The following ZNF704 variants were observed in gnomAD, a reference collection of about 807,000 sequenced individuals.
ZNF704 encodes the protein zinc finger protein 704.
ZNF704 carries 10 observed loss-of-function variants against 44.7 expected under a neutral mutation model. The observed-to-expected ratio is 0.22, with a 90% CI of 0.14 to 0.38. The LOEUF (loss-of-function observed/expected upper bound fraction) is 0.38. ZNF704 is among the 10% of genes least tolerant of loss of function. ZNF704 has a pLI of 1.00. For missense variants in ZNF704, 390 were observed against 545.5 expected, an observed-to-expected ratio of 0.71 and a Z score of 2.84; for synonymous variants, 211 against 207.6, an observed-to-expected ratio of 1.02 and a Z score of -0.14.
In ZNF704 at chr8:80,635,653, T is replaced by G. The variant is rs944241879; in HGVS notation, c.*5713A>C. 3 of 152,240 alleles carry G rather than the reference T, an allele frequency of 2.0e-5. No individual in the cohort carries two copies. The highest frequency in any genetic ancestry group is 7.2e-5 in the African/African-American group (3 of 41,478). The allele number at this position is 152,240 out of a possible 1,614,324, so 9.4% of individuals were successfully genotyped here. ...CTTTGTGACACAGAATTTATCATTT[T>G]ACACTAAAAAATTTATAAGAATATT... is the stretch of plus-strand genomic sequence containing the variant. On this transcript the variant is annotated 3_prime_UTR_variant, in exon 9 of 9. Transcript: ENST00000327835.
chr8:80,722,541 T>C (rs1475090188), intron 2 of ZNF704, among the ~76,000 whole-genome samples: 2 of 152,226 alleles, frequency 1.3e-5, no homozygotes, highest in African/African-American at 2.4e-5. Flanking sequence ...GAAACAAGAA[T>C]TTAAAGTTAT....
chr8:80,797,275 A>G (rs2129777203), intron 2 of ZNF704, among the ~76,000 whole-genome samples: 1 of 152,262 alleles, frequency 6.6e-6, no homozygotes, highest in East Asian at 1.9e-4. Flanking sequence ...CCCTGCTCTC[A>G]CAGCTCCACT....
intron 1 of ZNF704, among the ~76,000 whole-genome samples, chr8:80,839,516 G>C (rs1160612363): frequency 6.6e-6 from 1 of 152,224 alleles, no homozygotes; most frequent in African/African-American, 2.4e-5. Flanking sequence ...AATGCAGCTA[G>C]AGTGTATTCA....
upstream of ZNF704, among the ~76,000 whole-genome samples, chr8:80,874,934 T>G (rs1015321298): frequency 6.6e-6 from 1 of 152,078 alleles, no homozygotes; most frequent in Non-Finnish European, 1.5e-5. The surrounding 1 kb of genome is among the most constrained non-coding windows in gnomAD (Gnocchi z 4.4). Context: ...GCGATTGAGC[T>G]GCCTTGGCTC....
intron 2 of ZNF704, among the ~76,000 whole-genome samples, chr8:80,790,878 A>C (rs1257688903): frequency 6.6e-6 from 1 of 152,138 alleles, no homozygotes; most frequent in Non-Finnish European, 1.5e-5. Context: ...ACAACTAAGA[A>C]AGAGTTTACT....
chr8:80,762,043 T>C (rs1055470330), intron 2 of ZNF704, among the ~76,000 whole-genome samples: 1 of 152,218 alleles, frequency 6.6e-6, no homozygotes, highest in African/African-American at 2.4e-5. Flanking sequence ...TCAATATTTC[T>C]ACATATGCGC....
At chr8:80,785,377 T>G (rs1300599682) in intron 2 of ZNF704, among the ~76,000 whole-genome samples, 1 of 152,182 alleles carries the variant, frequency 6.6e-6, no homozygotes, top group Non-Finnish European at 1.5e-5. Flanking sequence ...TTTCCTCTTT[T>G]GCATACTTTA....
intron 1 of ZNF704, among the ~76,000 whole-genome samples, chr8:80,858,998 C>G (rs1172420327): frequency 6.6e-6 from 1 of 152,116 alleles, no homozygotes; most frequent in East Asian, 1.9e-4. Context: ...TTCAAATATT[C>G]TATAATCTTA....
chr8:80,679,889 T>G (rs1818425509), intron 4 of ZNF704, among the ~76,000 whole-genome samples: 1 of 152,132 alleles, frequency 6.6e-6, no homozygotes, highest in Non-Finnish European at 1.5e-5. Flanking sequence ...TTCTCAACAT[T>G]GATGCTGTGG....
chr8:80,645,825 G>A (rs1184389842), intron 7 of ZNF704, among the ~76,000 whole-genome samples: 1 of 152,102 alleles, frequency 6.6e-6, no homozygotes, highest in Non-Finnish European at 1.5e-5. Flanking sequence ...GATCATCAGT[G>A]TTATTTTCCC....
intron 2 of ZNF704, among the ~76,000 whole-genome samples, chr8:80,781,299 G>T (rs552397654): frequency 1.3e-5 from 2 of 152,116 alleles, no homozygotes; most frequent in Non-Finnish European, 2.9e-5. Flanking sequence ...AATATTTTAG[G>T]CTTTGTGGGT....
At chr8:80,740,394 T>C (rs1013782761) in intron 2 of ZNF704, among the ~76,000 whole-genome samples, 6 of 152,126 alleles carry the variant, frequency 3.9e-5, no homozygotes, top group Non-Finnish European at 8.8e-5. Flanking sequence ...AACTAAAGGA[T>C]TCTGCCTCCT....
chr8:80,861,967 T>A (rs1443653378), intron 1 of ZNF704, among the ~76,000 whole-genome samples: 1 of 150,844 alleles, frequency 6.6e-6, no homozygotes, highest in Admixed American at 6.6e-5. Flanking sequence ...AGCCATGTGG[T>A]TGAACAAGAT....
chr8:80,684,320 C>T (rs1451747939), intron 4 of ZNF704, among the ~76,000 whole-genome samples: 2 of 152,190 alleles, frequency 1.3e-5, no homozygotes, highest in Non-Finnish European at 2.9e-5. Context: ...CATATGTATA[C>T]ACTGAAACAA....
rs143650608 is a variant in ZNF704, at chr8:80,747,819, C to T, written c.222-54712G>A. ...ACAACCTCCACCTCCCCGATTCAAG[C>T]GATTCCCCTGCTTCAGCATCCTGAC... is the stretch of plus-strand genomic sequence containing the variant. On this transcript the variant is annotated intron_variant, in intron 2 of 8. Transcript: ENST00000327835. 2.8e-3 allele frequency among the ~76,000 whole-genome samples: 419 copies of T among 152,282 alleles called. 1 individual carries two copies. The highest frequency in any genetic ancestry group is 9.7e-3 in the African/African-American group (403 of 41,550).
chr8:80,687,906 T>C (rs917862590), intron 3 of ZNF704, among the ~76,000 whole-genome samples: 1 of 152,162 alleles, frequency 6.6e-6, no homozygotes, highest in Non-Finnish European at 1.5e-5. Context: ...TCAACATTTT[T>C]TTAAAAAGGG....
chr8:80,652,947 G>A (rs1450507996), intron 7 of ZNF704, among the ~76,000 whole-genome samples: 9 of 152,170 alleles, frequency 5.9e-5, no homozygotes, highest in African/African-American at 1.9e-4. Flanking sequence ...AAATCCAGCA[G>A]CACATCAAAA....
At chr8:80,764,336 G>A (rs1248868154) in intron 2 of ZNF704, among the ~76,000 whole-genome samples, 2 of 152,190 alleles carry the variant, frequency 1.3e-5, no homozygotes, top group Non-Finnish European at 2.9e-5. Context: ...GGTGGAAGAT[G>A]AAGGGGAAGC....
intron 2 of ZNF704, among the ~76,000 whole-genome samples, chr8:80,807,347 G>A (rs1808006299): frequency 6.6e-6 from 1 of 152,082 alleles, no homozygotes; most frequent in Admixed American, 6.6e-5. Flanking sequence ...GCCATTGTGT[G>A]AGGCAGGAAG....
Sources: allele counts gnomAD v4.1 joint callset (sites outside exome capture counted in the v4.1 genomes callset), GRCh38; gene constraint gnomAD v4.1.1; non-coding constraint Gnocchi (gnomAD v3.1); transcripts MANE v1.5; gene names NCBI Gene and HGNC (gene_info 2026-07-23, HGNC 2026-07-21).